TUBB: variants seen among roughly 807,000 people sequenced by gnomAD.
TUBB encodes the protein tubulin beta class I, also known as tubulin beta chain.
In TUBB, 2 loss-of-function variants were observed where a neutral mutation model predicts 35.1. That is an observed-to-expected ratio of 0.06 (90% CI 0.02 to 0.18). The LOEUF (loss-of-function observed/expected upper bound fraction) is 0.18, where lower values mean the gene tolerates loss of function less well. TUBB is among the 10% of genes least tolerant of loss of function. The probability of loss-of-function intolerance (pLI) is 1.00; values close to 1 mark genes in which losing one functional copy is unlikely to be tolerated. For missense variants in TUBB, 50 were observed against 599.4 expected, an observed-to-expected ratio of 0.08 and a Z score of 9.57; for synonymous variants, 205 against 223.8, an observed-to-expected ratio of 0.92 and a Z score of 0.75.
At chr6:30,721,995 AG>A (rs1776307158) in intron 1 of TUBB, 12 of 772,918 alleles carry the variant, frequency 1.6e-5, no homozygotes, top group Non-Finnish European at 1.9e-5. Flanking sequence ...AAAAAATAAA[AG>A]TAAAAAATTA....
Position 30,724,802 on chromosome 6 carries a change from G to A in TUBB, c.*405G>A, listed in dbSNP as rs1446469089. 5.0e-6 allele frequency: 1 copy of A among 199,826 alleles called. No individual in the cohort carries two copies. Among genetic ancestry groups the A allele is most frequent in the Non-Finnish European group, 1.0e-5 (1 of 98,886 alleles). The allele number at this position is 199,826 out of a possible 1,614,324, so 12.4% of individuals were successfully genotyped here. ...AAAGTAGAAAATGGTAGAAGGTAGT[G>A]GGTAGAAGTCACTATATAAGGAAGG... is the stretch of plus-strand genomic sequence containing the variant. On this transcript the variant is annotated 3_prime_UTR_variant, in exon 4 of 4. Transcript: ENST00000327892. This position sits in a 1 kb window ranked among gnomAD's most constrained non-coding sequence, Gnocchi z 4.4.
intron 1 of TUBB, 126 bp downstream of exon 1, chr6:30,720,689 C>A: frequency 2.6e-6 from 2 of 765,330 alleles, no homozygotes; most frequent in South Asian, 1.8e-5. Flanking sequence ...AAGTTTGTTA[C>A]ATTTATATAT....
chr6:30,721,547 G>C, intron 1 of TUBB: 2 of 985,290 alleles, frequency 2.0e-6, no homozygotes, highest in Non-Finnish European at 2.4e-6. Context: ...GCCCACGCGC[G>C]AAGTCTTTTG....
intron 1 of TUBB, chr6:30,721,425 G>C (rs978573353): frequency 3.1e-6 from 1 of 327,694 alleles, no homozygotes; most frequent in Non-Finnish European, 4.4e-6. Context: ...GGGCCCTGCG[G>C]GGCGGGGCCG....
intron 2 of TUBB, 69 bp from the exon 3 acceptor site, chr6:30,722,849 C>T: frequency 3.7e-6 from 5 of 1,368,808 alleles, no homozygotes; most frequent in Non-Finnish European, 4.1e-6. Flanking sequence ...CTGCTGTCTC[C>T]CATTTCCAGT....
At position 30,722,528 on chromosome 6, in the gene TUBB, CCT is replaced by C; in HGVS notation, c.58-7_58-6del. 6.2e-7 allele frequency: 1 copy of C among 1,610,360 alleles called. No individual in the cohort carries two copies. The highest frequency in any genetic ancestry group is 8.5e-7 in the Non-Finnish European group (1 of 1,176,862). ...GACCTGTTGTGGTCTCGTTGCTCCC[CCT>C]CGGCAGTTCTGGGAGGTGATCAGTG... On this transcript the variant is annotated splice_polypyrimidine_tract_variant and splice_region_variant and intron_variant, in intron 1 of 3. Transcript: ENST00000327892.
chr6:30,722,514 G>C (rs776883144), intron 1 of TUBB, 23 bp from the exon 2 acceptor site: 3 of 1,566,316 alleles, frequency 1.9e-6, no homozygotes, highest in Non-Finnish European at 2.6e-6. Context: ...ACCTGTTGTG[G>C]TCTCGTTGCT....
intron 2 of TUBB, 21 bp downstream of exon 2, chr6:30,722,666 A>T (rs746001900): frequency 6.3e-7 from 1 of 1,598,210 alleles, no homozygotes; most frequent in Middle Eastern, 1.7e-4. Flanking sequence ...GAGCCCGGGC[A>T]GCTCAGGTTC....
chr6:30,721,464 G>A, intron 1 of TUBB: 3 of 796,192 alleles, frequency 3.8e-6, no homozygotes, highest in Non-Finnish European at 4.6e-6. Context: ...GGGACAATGC[G>A]GCGTTGCCCG....
At chr6:30,721,030 G>A (rs1026473133) in intron 1 of TUBB, among the ~76,000 whole-genome samples, 1 of 152,236 alleles carries the variant, frequency 6.6e-6, no homozygotes, top group African/African-American at 2.4e-5. Flanking sequence ...GGGGCGATGC[G>A]CCAGGGTGGG....
intron 1 of TUBB, among the ~76,000 whole-genome samples, chr6:30,720,931 C>G (rs928543088): frequency 1.3e-5 from 2 of 152,350 alleles, no homozygotes; most frequent in African/African-American, 4.8e-5. Context: ...GCATCCCGCC[C>G]AACCCCCCTG....
chr6:30,721,673 G>C (rs1021725186), intron 1 of TUBB: 2 of 985,286 alleles, frequency 2.0e-6, no homozygotes, highest in Non-Finnish European at 2.4e-6. Context: ...GCGGTGGGGC[G>C]GTGCCCAGCT....
intron 1 of TUBB, chr6:30,722,007 G>C (rs1172378800): frequency 1.5e-6 from 1 of 657,500 alleles, no homozygotes; most frequent in East Asian, 1.4e-4. Context: ...TAAAAAATTA[G>C]CTGGGCGTGG....
intron 1 of TUBB, chr6:30,721,627 G>T (rs574130855): frequency 5.6e-5 from 55 of 985,454 alleles, no homozygotes; most frequent in Non-Finnish European, 6.3e-5. Flanking sequence ...TGCGGCGGCA[G>T]CTCTTTCCTC....
chr6:30,724,451 C>A lies in TUBB; in HGVS notation c.*54C>A. On this transcript the variant is annotated 3_prime_UTR_variant, in exon 4 of 4. Transcript: ENST00000327892. The surrounding 1 kb of genome is among the most constrained non-coding windows in gnomAD (Gnocchi z 4.4). ...CAGTTCCCTTAGCCGTCTTACTCAA[C>A]TGCCCCTTTCCTCTCCCTCAGAATT... 4 of 1,486,514 alleles carry A rather than the reference C, an allele frequency of 2.7e-6. No individual in the cohort carries two copies. Among genetic ancestry groups the A allele is most frequent in the Non-Finnish European group, 3.6e-6 (4 of 1,103,180 alleles). The allele number at this position is 1,486,514 out of a possible 1,614,324, so 92.1% of individuals were successfully genotyped here.
In TUBB at chr6:30,720,470, C is replaced by A. The variant is rs1292505347; in HGVS notation, c.-37C>A. 1.2e-6 allele frequency: 2 copies of A among 1,610,148 alleles called. No individual in the cohort carries two copies. Among genetic ancestry groups the A allele is most frequent in the Non-Finnish European group, 1.7e-6 (2 of 1,176,384 alleles). On this transcript the variant is annotated 5_prime_UTR_variant, in exon 1 of 4. Transcript: ENST00000327892. ...AAATTACTTATTTTCTTGCCCCATA[C>A]ATACCTTGAGGCGAGCAAAAAAATT...
Position 30,723,392 on chromosome 6 carries a change from C to T in TUBB, c.330C>T (p.Ala110=), listed in dbSNP as rs745597672. Reference sequence around the variant, plus strand: ...CCAAAGGCCACTACACAGAGGGCGCCGAGCTGGTTGATTCTGTCCTGGATG... The same window carrying T: ...CCAAAGGCCACTACACAGAGGGCGCTGAGCTGGTTGATTCTGTCCTGGATG... ...NWAKGHYTEG[A]ELVDSVLDVV... The change falls in exon 4 of 4, where the codon GCC becomes GCT. Residue 110 remains alanine (A), a synonymous_variant. Transcript: ENST00000327892. The T allele has an allele frequency of 2.1e-5, 34 of 1,613,016 alleles. No homozygotes were observed. In the South Asian group the frequency reaches 2.7e-4, roughly 13 times the overall value.
At chr6:30,722,703 A>T in intron 2 of TUBB, 58 bp downstream of exon 2, 2 of 1,437,126 alleles carry the variant, frequency 1.4e-6, no homozygotes, top group Non-Finnish European at 1.9e-6. Flanking sequence ...CTTATCTGGG[A>T]TCTCTTTCCA....
intron 1 of TUBB, chr6:30,721,418 C>T (rs1776230695): frequency 3.8e-6 from 1 of 260,648 alleles, no homozygotes; most frequent in Non-Finnish European, 6.0e-6. Flanking sequence ...AAGGGCGGGG[C>T]CCTGCGGGGC....
Sources: gnomAD v4.1 joint callset for allele counts (sites outside exome capture counted in the v4.1 genomes callset) on GRCh38, gnomAD v4.1.1 for gene constraint, Gnocchi (gnomAD v3.1) non-coding constraint, MANE v1.5 for transcripts, NCBI Gene and HGNC (gene_info 2026-07-23, HGNC 2026-07-21) for gene names.